The following PRKCA variants were observed in gnomAD, a reference collection of about 807,000 sequenced individuals.
PRKCA encodes protein kinase C alpha.
Under a neutral mutation model 87.0 loss-of-function variants are expected in PRKCA, and 27 were observed. That is an observed-to-expected ratio of 0.31 (90% CI 0.23 to 0.43). The LOEUF (loss-of-function observed/expected upper bound fraction) is 0.43. PRKCA is among the 20% of genes least tolerant of loss of function. The probability of loss-of-function intolerance (pLI) is 1.00; values close to 1 mark genes in which losing one functional copy is unlikely to be tolerated. For synonymous variants in PRKCA, 329 were observed against 311.1 expected, an observed-to-expected ratio of 1.06 and a Z score of -0.61; for missense variants, 518 against 852.3, an observed-to-expected ratio of 0.61 and a Z score of 4.88.
At chr17:66,406,585 G>GT (rs71160568) in intron 2 of PRKCA, among the ~76,000 whole-genome samples, 888 of 70,176 alleles carry the variant, frequency 0.013, 66 homozygotes, top group South Asian at 0.075. Context: ...GCTTTTCCAG[G>GT]TTTTTTTTTT....
At chr17:66,495,220 T>G (rs1423952644) in intron 2 of PRKCA, among the ~76,000 whole-genome samples, 5 of 152,192 alleles carry the variant, frequency 3.3e-5, no homozygotes. Context: ...GGGTAGTAGA[T>G]TTTGCTGAAT....
chr17:66,380,943 CTTTTT>C (rs60151675), intron 2 of PRKCA, among the ~76,000 whole-genome samples: 2 of 142,762 alleles, frequency 1.4e-5, no homozygotes, highest in Non-Finnish European at 3.1e-5. Context: ...TTTTATTTTT[CTTTTT>C]TTTTTTTTGG....
chr17:66,702,977 G>A (rs1024597385), intron 8 of PRKCA, among the ~76,000 whole-genome samples: 1 of 152,188 alleles, frequency 6.6e-6, no homozygotes, highest in African/African-American at 2.4e-5. Context: ...TGGTACACTA[G>A]TATAGGGCAC....
At chr17:66,692,365 G>A (rs1315403137) in intron 8 of PRKCA, among the ~76,000 whole-genome samples, 3 of 152,352 alleles carry the variant, frequency 2.0e-5, no homozygotes, top group South Asian at 4.1e-4. Context: ...TCAAAAAGAT[G>A]CTGAGAATTT....
intron 3 of PRKCA, among the ~76,000 whole-genome samples, chr17:66,517,252 C>G (rs997913758): frequency 2.0e-5 from 3 of 152,164 alleles, no homozygotes; most frequent in Admixed American, 2.0e-4. Flanking sequence ...CCACTACACT[C>G]CAGCCTGGCG....
chr17:66,402,127 C>T (rs1911068410), intron 2 of PRKCA, among the ~76,000 whole-genome samples: 2 of 152,070 alleles, frequency 1.3e-5, no homozygotes, highest in Non-Finnish European at 2.9e-5. Context: ...AGAAAGGTTC[C>T]AGAATGAGTG....
At chr17:66,464,427 A>C (rs1455774118) in intron 2 of PRKCA, among the ~76,000 whole-genome samples, 1 of 152,186 alleles carries the variant, frequency 6.6e-6, no homozygotes, top group Non-Finnish European at 1.5e-5. Context: ...GAATATGTTT[A>C]GTTTTTTAAG....
At chr17:66,586,989 T>C (rs932003612) in intron 3 of PRKCA, among the ~76,000 whole-genome samples, 4 of 152,146 alleles carry the variant, frequency 2.6e-5, no homozygotes, top group Non-Finnish European at 5.9e-5. Context: ...GCCATGTTGC[T>C]CCTACGATGC....
At chr17:66,445,816 T>G (rs1050098294) in intron 2 of PRKCA, among the ~76,000 whole-genome samples, 2 of 152,010 alleles carry the variant, frequency 1.3e-5, no homozygotes, top group Admixed American at 1.3e-4. Flanking sequence ...TTCTTCTTTT[T>G]TTTCTTGAGA....
intron 2 of PRKCA, among the ~76,000 whole-genome samples, chr17:66,352,620 G>T (rs1339927256): frequency 7.5e-6 from 1 of 132,956 alleles, no homozygotes; most frequent in Non-Finnish European, 1.6e-5. Context: ...CTGGAGTGCA[G>T]TGGCGCAATC....
intron 2 of PRKCA, among the ~76,000 whole-genome samples, chr17:66,391,018 T>C (rs1910330119): frequency 6.6e-6 from 1 of 152,126 alleles, no homozygotes; most frequent in African/African-American, 2.4e-5. Context: ...TAAAGAGAGA[T>C]TTTCCATTTT....
chr17:66,416,904 A>G (rs1315035596), intron 2 of PRKCA: 2 of 156,618 alleles, frequency 1.3e-5, no homozygotes, highest in African/African-American at 4.8e-5. Flanking sequence ...TGTCTCAAAA[A>G]AAGTTGGGGG....
At chr17:66,772,440 G>T (rs1224614874) in intron 13 of PRKCA, among the ~76,000 whole-genome samples, 1 of 152,024 alleles carries the variant, frequency 6.6e-6, no homozygotes, top group Non-Finnish European at 1.5e-5. Context: ...AAATGAAAGT[G>T]GGCAGACATG....
intron 3 of PRKCA, among the ~76,000 whole-genome samples, chr17:66,503,586 A>G (rs1916844261): frequency 1.3e-5 from 2 of 152,310 alleles, no homozygotes; most frequent in South Asian, 4.1e-4. Context: ...ACAAATTGCT[A>G]CAAACCAAAA....
chr17:66,613,763 C>A (rs990604264), intron 3 of PRKCA, among the ~76,000 whole-genome samples: 3 of 146,640 alleles, frequency 2.0e-5, no homozygotes, highest in Non-Finnish European at 4.5e-5. Context: ...CCACCTTAAT[C>A]CAGTATGACT....
At chr17:66,373,643 A>T (rs892293109) in intron 2 of PRKCA, among the ~76,000 whole-genome samples, 1 of 152,168 alleles carries the variant, frequency 6.6e-6, no homozygotes, top group Admixed American at 6.5e-5. Flanking sequence ...TGGCTTCCTA[A>T]ATGTAGAAAG....
intron 2 of PRKCA, among the ~76,000 whole-genome samples, chr17:66,343,184 T>G (rs1907147458): frequency 6.6e-6 from 1 of 151,088 alleles, no homozygotes; most frequent in Admixed American, 6.6e-5. Flanking sequence ...ATAGGTTATA[T>G]GTCATTTTAT....
chr17:66,527,353 A>C (rs535572598), intron 3 of PRKCA, among the ~76,000 whole-genome samples: 4 of 152,222 alleles, frequency 2.6e-5, no homozygotes, highest in African/African-American at 9.7e-5. Context: ...TGCAATTTGC[A>C]TCCACAGGTC....
At chr17:66,740,464 G>A (rs8082010) in intron 11 of PRKCA, among the ~76,000 whole-genome samples, 16,217 of 152,132 alleles carry the variant, frequency 0.11, 1,030 homozygotes, top group African/African-American at 0.17. Context: ...TCTGGCTGCT[G>A]TGCCATCTAA....
Sources: allele counts gnomAD v4.1 joint callset (sites outside exome capture counted in the v4.1 genomes callset), GRCh38; gene constraint gnomAD v4.1.1; transcripts MANE v1.5; gene names NCBI Gene and HGNC (gene_info 2026-07-23, HGNC 2026-07-21).